Variants in LRP1B observed in about 807,000 individuals in gnomAD.
LRP1B encodes the protein LDL receptor related protein 1B.
In LRP1B, 217 loss-of-function variants were observed where a neutral mutation model predicts 556.6. The ratio of observed to expected loss-of-function variants is 0.39; its 90% confidence interval spans 0.35 to 0.44. The LOEUF (loss-of-function observed/expected upper bound fraction) is 0.44, where lower values mean the gene tolerates loss of function less well. Ranked by LOEUF, LRP1B falls within the 20% of genes least tolerant of loss-of-function variation. LRP1B has a pLI of 1.00. For missense variants in LRP1B, 5,053 were observed against 5,620.8 expected (o/e 0.90, Z 3.23); for synonymous variants, 2,047 against 1,865.8 (o/e 1.10, Z -2.50).
At chr2:141,751,247 A>G (rs1479430953) in intron 2 of LRP1B, among the ~76,000 whole-genome samples, 1 of 152,132 alleles carries the variant, frequency 6.6e-6, no homozygotes, top group Non-Finnish European at 1.5e-5. Flanking sequence ...AATGTATTAC[A>G]CAGTTACTGT....
chr2:141,969,603 A>G (rs1055427039), intron 1 of LRP1B, among the ~76,000 whole-genome samples: 2 of 151,672 alleles, frequency 1.3e-5, no homozygotes, highest in East Asian at 3.9e-4. Flanking sequence ...TAAAGGCTGA[A>G]TAGTATTCCA....
intron 66 of LRP1B, among the ~76,000 whole-genome samples, chr2:140,400,779 G>A (rs775141051): frequency 1.3e-5 from 2 of 150,222 alleles, no homozygotes; most frequent in Middle Eastern, 3.5e-3. Flanking sequence ...ACATTGTGAG[G>A]CAGGTAAAAA....
intron 26 of LRP1B, 64 bp from the exon 27 acceptor site, chr2:140,867,898 C>A (rs2105154824): frequency 7.0e-6 from 10 of 1,433,558 alleles, no homozygotes; most frequent in South Asian, 3.1e-5. Context: ...GAGACATAAT[C>A]ATGTAACTCA....
chr2:141,331,201 G>A (rs555657585), intron 3 of LRP1B, among the ~76,000 whole-genome samples: 6 of 152,294 alleles, frequency 3.9e-5, no homozygotes, highest in African/African-American at 1.4e-4. Flanking sequence ...CCTACTGTCA[G>A]TCAAGTAGTC....
chr2:140,761,972 C>T (rs368830561), intron 35 of LRP1B, among the ~76,000 whole-genome samples: 2 of 134,406 alleles, frequency 1.5e-5, no homozygotes, highest in Non-Finnish European at 3.2e-5. Flanking sequence ...ATGATGATAA[C>T]TATGATGATG....
At chr2:140,761,672 G>A (rs1688928211) in intron 35 of LRP1B, among the ~76,000 whole-genome samples, 1 of 152,216 alleles carries the variant, frequency 6.6e-6, no homozygotes, top group East Asian at 1.9e-4. Flanking sequence ...CAACCTGCAA[G>A]GAACAGAATC....
intron 41 of LRP1B, among the ~76,000 whole-genome samples, chr2:140,695,239 A>G (rs1686388946): frequency 3.9e-5 from 6 of 152,056 alleles, no homozygotes; most frequent in Admixed American, 3.9e-4. Context: ...CTTAAACTGC[A>G]GCCCTCTCTT....
chr2:141,609,572 A>G (rs576705103), intron 2 of LRP1B, among the ~76,000 whole-genome samples: 1 of 152,318 alleles, frequency 6.6e-6, no homozygotes, highest in South Asian at 2.1e-4. Flanking sequence ...GTATGCTTAT[A>G]TTATTTCTTT....
At chr2:141,799,202 C>A (rs925964608) in intron 2 of LRP1B, among the ~76,000 whole-genome samples, 15 of 152,144 alleles carry the variant, frequency 9.9e-5, no homozygotes, top group Non-Finnish European at 1.5e-4. Context: ...CCTTGTCTAA[C>A]CCTCTCTCTT....
intron 41 of LRP1B, among the ~76,000 whole-genome samples, chr2:140,604,266 C>G (rs548167183): frequency 1.8e-4 from 28 of 151,572 alleles, no homozygotes; most frequent in Non-Finnish European, 3.8e-4. Flanking sequence ...CTCTTACCCA[C>G]TTTTGAGCAG....
chr2:140,847,371 G>A (rs1456453418), intron 29 of LRP1B, among the ~76,000 whole-genome samples: 1 of 152,040 alleles, frequency 6.6e-6, no homozygotes, highest in Non-Finnish European at 1.5e-5. Flanking sequence ...ACATAATTTG[G>A]CGTCTATTTC....
In LRP1B at chr2:140,584,387, C is replaced by CATAT. The variant is rs35137673; in HGVS notation, c.7194+14240_7194+14243dup. On this transcript the variant is annotated intron_variant, in intron 43 of 90. Transcript: ENST00000389484. ...AAAGTTAATTTGGAAGAAATGTGCT[C>CATAT]ATATATATATATATATATATATGAG... Among the ~76,000 whole-genome samples, 563 of 149,968 alleles carry CATAT rather than the reference C, an allele frequency of 3.8e-3. 4 individuals are homozygous for CATAT. Among genetic ancestry groups the CATAT allele is most frequent in the Middle Eastern group, 0.014 (4 of 288 alleles).
At chr2:140,267,981 A>G (rs1459546528) in intron 86 of LRP1B, among the ~76,000 whole-genome samples, 1 of 151,724 alleles carries the variant, frequency 6.6e-6, no homozygotes, top group African/African-American at 2.4e-5. Context: ...CCCATGAGAG[A>G]TTTTTATTCT....
At chr2:140,967,141 C>T (rs958924528) in intron 18 of LRP1B, among the ~76,000 whole-genome samples, 2 of 152,094 alleles carry the variant, frequency 1.3e-5, no homozygotes, top group African/African-American at 4.8e-5. Context: ...GGCAGTATGG[C>T]CATTTTCATG....
At chr2:141,720,595 C>T (rs1163171193) in intron 2 of LRP1B, among the ~76,000 whole-genome samples, 1 of 151,998 alleles carries the variant, frequency 6.6e-6, no homozygotes, top group Non-Finnish European at 1.5e-5. Flanking sequence ...TTAACATCGT[C>T]ATTAATTCTA....
chr2:140,702,338 T>A (rs1424407273), intron 38 of LRP1B, 46 bp from the exon 39 acceptor site: 1 of 1,606,690 alleles, frequency 6.2e-7, no homozygotes, highest in African/African-American at 1.3e-5. Flanking sequence ...ATTTGATTGT[T>A]TTATTAAGAA....
chr2:141,414,185 G>C (rs7587380), intron 3 of LRP1B, among the ~76,000 whole-genome samples: 35 of 147,632 alleles, frequency 2.4e-4, no homozygotes, highest in South Asian at 8.7e-4. Flanking sequence ...TGCAGTGAGC[G>C]GAGATAGCGC....
intron 2 of LRP1B, among the ~76,000 whole-genome samples, chr2:141,745,829 G>A (rs1335962911): frequency 2.0e-5 from 3 of 152,016 alleles, no homozygotes; most frequent in Admixed American, 1.3e-4. Context: ...TCTCACCCAA[G>A]GCCCATGGTA....
At chr2:140,753,535 C>T (rs1486886036) in intron 35 of LRP1B, among the ~76,000 whole-genome samples, 1 of 152,048 alleles carries the variant, frequency 6.6e-6, no homozygotes, top group Non-Finnish European at 1.5e-5. Flanking sequence ...GTAGACTCAG[C>T]CCCCTACATA....
Sources: gnomAD v4.1 joint callset for allele counts (sites outside exome capture counted in the v4.1 genomes callset) on GRCh38, gnomAD v4.1.1 for gene constraint, MANE v1.5 for transcripts, NCBI Gene and HGNC (gene_info 2026-07-23, HGNC 2026-07-21) for gene names.